Variants in RGS7 observed in about 807,000 individuals in gnomAD.
The protein encoded by RGS7 is regulator of G-protein signaling 7.
A neutral mutation model predicts 81.1 loss-of-function variants in RGS7; 27 were observed. That is an observed-to-expected ratio of 0.33 (90% CI 0.25 to 0.46). The LOEUF is 0.46. RGS7 is among the 20% of genes least tolerant of loss of function. The pLI is 1.00. For missense variants in RGS7, 396 were observed against 607.4 expected (o/e 0.65, Z 3.66); for synonymous variants, 208 against 207.7 (o/e 1.00, Z -0.01).
Position 240,868,157 on chromosome 1 carries a change from A to AGAAC in RGS7, c.609+429_609+430insGTTC, listed in dbSNP as rs1351638316. On this transcript the variant is annotated intron_variant, in intron 9 of 18. Transcript: ENST00000440928. This position sits in a 1 kb window ranked among gnomAD's most constrained non-coding sequence, Gnocchi z 5.1. ...AAGAAAGAAAGAAAGAAAGAAAGAA[A>AGAAC]GGACGGAGGGAGGGAAGGACGAAGG... Among the ~76,000 whole-genome samples, 5 of 150,612 alleles carry AGAAC rather than the reference A, an allele frequency of 3.3e-5. No individual in the cohort carries two copies. Among genetic ancestry groups the AGAAC allele is most frequent in the Non-Finnish European group, 5.9e-5 (4 of 67,688 alleles).
At chr1:240,832,516 C>G (rs1694015227) in intron 9 of RGS7, among the ~76,000 whole-genome samples, 1 of 152,118 alleles carries the variant, frequency 6.6e-6, no homozygotes, top group Non-Finnish European at 1.5e-5. Flanking sequence ...TCATGAGGTG[C>G]AAAAGAGAAG....
chr1:241,102,334 C>T lies in RGS7; in HGVS notation c.79-3572G>A, dbSNP rs1034926867. 5.3e-5 allele frequency among the ~76,000 whole-genome samples: 8 copies of T among 152,224 alleles called. 1 individual carries two copies. In the South Asian group the frequency reaches 8.3e-4, roughly 16 times the overall value. On this transcript the variant is annotated intron_variant, in intron 2 of 18. Transcript: ENST00000440928. ...ACTGAAGGGACCCCCTCTTGGCTAACGGGACCCCAGGGAAACCCTGGAAGC... is the reference window on the plus strand; with the variant it reads ...ACTGAAGGGACCCCCTCTTGGCTAATGGGACCCCAGGGAAACCCTGGAAGC...
chr1:241,351,195 G>A (rs999974789), intron 2 of RGS7, among the ~76,000 whole-genome samples: 9 of 152,030 alleles, frequency 5.9e-5, no homozygotes, highest in South Asian at 2.1e-4. Context: ...GAGGCGGAAG[G>A]ATGGCTTGAG....
intron 2 of RGS7, among the ~76,000 whole-genome samples, chr1:241,241,714 T>C (rs1040903138): frequency 2.0e-5 from 3 of 152,130 alleles, no homozygotes; most frequent in African/African-American, 7.2e-5. Context: ...TTGCTACCAA[T>C]GACTCAGATA....
intron 3 of RGS7, among the ~76,000 whole-genome samples, chr1:241,090,106 C>G (rs1039314562): frequency 6.6e-6 from 1 of 151,504 alleles, no homozygotes; most frequent in Non-Finnish European, 1.5e-5. Flanking sequence ...TTTAATTGGA[C>G]AGGTTTGCAA....
intron 10 of RGS7, among the ~76,000 whole-genome samples, chr1:240,820,897 T>G (rs1691660169): frequency 6.6e-6 from 1 of 152,142 alleles, no homozygotes; most frequent in South Asian, 2.1e-4. Flanking sequence ...CAAGAAGCCT[T>G]TCTGTGTTTC....
At chr1:241,061,511 C>T (rs946942739) in intron 3 of RGS7, among the ~76,000 whole-genome samples, 1 of 152,136 alleles carries the variant, frequency 6.6e-6, no homozygotes, top group African/African-American at 2.4e-5. Context: ...TGGGGTTACA[C>T]AATAGTTTGG....
chr1:241,337,495 C>T (rs1294036334), intron 2 of RGS7, among the ~76,000 whole-genome samples: 1 of 152,082 alleles, frequency 6.6e-6, no homozygotes, highest in African/African-American at 2.4e-5. Flanking sequence ...GTTGTGCCAC[C>T]AAGACACAGC....
At chr1:241,213,222 A>T (rs72760508) in intron 2 of RGS7, among the ~76,000 whole-genome samples, 14,269 of 152,264 alleles carry the variant, frequency 0.094, 846 homozygotes, top group East Asian at 0.22. Context: ...TAGTGTCATG[A>T]CTGACCGTAA....
At position 240,970,232 on chromosome 1, in the gene RGS7, A is replaced by C. The variant is rs567638456; in HGVS notation, c.226+12847T>G. ...AGGCAGCCAGAAACTCAAACCTGAAAAAGCCTTTATCAACGGGAAAGATGG... is the reference window on the plus strand; with the variant it reads ...AGGCAGCCAGAAACTCAAACCTGAACAAGCCTTTATCAACGGGAAAGATGG... On this transcript the variant is annotated intron_variant, in intron 4 of 18. Transcript: ENST00000440928. Among the ~76,000 whole-genome samples, 7 of 152,310 alleles carry C rather than the reference A, an allele frequency of 4.6e-5. No individual in the cohort carries two copies. The South Asian group carries it at 1.5e-3, about 32-fold the overall frequency.
intron 2 of RGS7, among the ~76,000 whole-genome samples, chr1:241,293,841 T>C (rs949800608): frequency 6.6e-6 from 1 of 152,106 alleles, no homozygotes; most frequent in African/African-American, 2.4e-5. Flanking sequence ...ACAGTGTTGG[T>C]GGGAGTGTAA....
intron 2 of RGS7, among the ~76,000 whole-genome samples, chr1:241,337,696 G>A (rs896714764): frequency 6.6e-5 from 10 of 152,154 alleles, no homozygotes; most frequent in Non-Finnish European, 1.0e-4. Context: ...AGCCAGAACC[G>A]TTTTATACTA....
rs931032410 is a variant in RGS7 at position 241,020,774 on chromosome 1, T to G, written c.176-37645A>C. 7.9e-4 allele frequency among the ~76,000 whole-genome samples: 121 copies of G among 152,218 alleles called. 1 individual carries two copies. Among genetic ancestry groups the G allele is most frequent in the Admixed American group, 7.9e-3 (120 of 15,280 alleles). On this transcript the variant is annotated intron_variant, in intron 3 of 18. Coordinates refer to ENST00000440928, the MANE Select transcript of RGS7 (RefSeq NM_001364886.1). Reference sequence around the variant, plus strand: ...CCCTAGAAGAATAGAGAGTAGTGTTTTAATTTCTTTGTCCAATAGAATAGA... The same window carrying G: ...CCCTAGAAGAATAGAGAGTAGTGTTGTAATTTCTTTGTCCAATAGAATAGA...
chr1:241,047,748 T>C (rs1450482509), intron 3 of RGS7, among the ~76,000 whole-genome samples: 2 of 145,724 alleles, frequency 1.4e-5, no homozygotes, highest in Admixed American at 6.8e-5. Flanking sequence ...TTTTTTTTTT[T>C]TTTTTTTTTG....
At chr1:240,812,701 T>C (rs1832908) in intron 13 of RGS7, among the ~76,000 whole-genome samples, 71,039 of 151,582 alleles carry the variant, frequency 0.47, 18,261 homozygotes, top group Non-Finnish European at 0.58. Flanking sequence ...TCCCAAAGTG[T>C]TGGGATTACA....
rs1353197819 is a variant in RGS7 at position 241,223,153 on chromosome 1, T to TG, written c.79-124392dup. 4.6e-5 allele frequency among the ~76,000 whole-genome samples: 7 copies of TG among 152,220 alleles called. 1 individual carries two copies. In the South Asian group the frequency reaches 1.4e-3, roughly 31 times the overall value. On this transcript the variant is annotated intron_variant, in intron 2 of 18. Transcript: ENST00000440928. Reference sequence around the variant, plus strand: ...GAGAACCACTATAATTGAGAACCACTGCTTTAGAATGTCAACGATAAAGGG... The same window carrying TG: ...GAGAACCACTATAATTGAGAACCACTGGCTTTAGAATGTCAACGATAAAGGG...
intron 3 of RGS7, among the ~76,000 whole-genome samples, chr1:241,057,578 A>ATT (rs2061533822): frequency 1.5e-4 from 1 of 6,562 alleles, no homozygotes; most frequent in Non-Finnish European, 4.3e-3. Context: ...TCAAACTCTT[A>ATT]TTCTTCTTAC....
chr1:241,012,228 C>A (rs915780194), intron 3 of RGS7, among the ~76,000 whole-genome samples: 1 of 152,086 alleles, frequency 6.6e-6, no homozygotes, highest in East Asian at 1.9e-4. Context: ...GAGGGCAACA[C>A]GCAGATACAC....
At chr1:241,051,237 G>T (rs1029141422) in intron 3 of RGS7, among the ~76,000 whole-genome samples, 9 of 152,150 alleles carry the variant, frequency 5.9e-5, no homozygotes, top group Non-Finnish European at 1.0e-4. Flanking sequence ...TTATCTGTCT[G>T]AAACCTTAAT....
Sources: allele counts gnomAD v4.1 joint callset (sites outside exome capture counted in the v4.1 genomes callset), GRCh38; gene constraint gnomAD v4.1.1; non-coding constraint Gnocchi (gnomAD v3.1); transcripts MANE v1.5; gene names NCBI Gene and HGNC (gene_info 2026-07-23, HGNC 2026-07-21).